CHSY3: variants seen among roughly 807,000 people sequenced by gnomAD.
CHSY3 encodes N-acetylgalactosaminyl-proteoglycan 3-beta-glucuronosyltransferase 3.
CHSY3 carries 35 observed loss-of-function variants against 67.2 expected under a neutral mutation model. The observed-to-expected ratio is 0.52, with a 90% CI of 0.40 to 0.69. CHSY3 has a LOEUF of 0.69. Ranked by LOEUF, CHSY3 falls within the 30% of genes least tolerant of loss-of-function variation. The pLI, the probability that CHSY3 is intolerant of heterozygous loss-of-function variation, is 0.00. For synonymous variants in CHSY3, 474 were observed against 434.7 expected, an observed-to-expected ratio of 1.09 and a Z score of -1.12; for missense variants, 1,069 against 1,138.5, an observed-to-expected ratio of 0.94 and a Z score of 0.88.
chr5:130,014,992 G>T, intron 2 of CHSY3, among the ~76,000 whole-genome samples: 1 of 152,076 alleles, frequency 6.6e-6, no homozygotes, highest in East Asian at 1.9e-4. Context: ...AATATATAAG[G>T]AACTGATATG....
chr5:130,080,740 A>G (rs1766418749), intron 2 of CHSY3, among the ~76,000 whole-genome samples: 1 of 152,104 alleles, frequency 6.6e-6, no homozygotes, highest in Non-Finnish European at 1.5e-5. Flanking sequence ...TTACTGTGTG[A>G]TCATAGTCAA....
chr5:129,930,696 C>G (rs1309927295), intron 2 of CHSY3, among the ~76,000 whole-genome samples: 1 of 152,032 alleles, frequency 6.6e-6, no homozygotes, highest in Admixed American at 6.6e-5. Flanking sequence ...CCCTTACCCC[C>G]ATAAGGCTGA....
chr5:130,082,459 G>T (rs529716265), intron 2 of CHSY3, among the ~76,000 whole-genome samples: 4 of 152,048 alleles, frequency 2.6e-5, no homozygotes, highest in Admixed American at 6.6e-5. Flanking sequence ...TTCAAATCAT[G>T]TGTTTGATCC....
intron 2 of CHSY3, among the ~76,000 whole-genome samples, chr5:130,059,702 C>T (rs1482036207): frequency 1.3e-5 from 2 of 152,116 alleles, no homozygotes; most frequent in Non-Finnish European, 2.9e-5. Context: ...CCGACTACAA[C>T]TACCCTATAA....
intron 2 of CHSY3, among the ~76,000 whole-genome samples, chr5:130,047,249 C>T (rs1765180809): frequency 6.6e-6 from 1 of 151,964 alleles, no homozygotes; most frequent in East Asian, 1.9e-4. Flanking sequence ...TTTAACTCAG[C>T]TCACCTTTTA....
intron 1 of CHSY3, among the ~76,000 whole-genome samples, chr5:129,907,088 G>T (rs1410662751): frequency 1.3e-5 from 2 of 152,094 alleles, no homozygotes; most frequent in Non-Finnish European, 2.9e-5. Context: ...TCCTTGCCTT[G>T]GATATCTCAA....
intron 2 of CHSY3, among the ~76,000 whole-genome samples, chr5:130,179,640 CAT>C (rs1213497604): frequency 1.3e-5 from 2 of 152,038 alleles, no homozygotes; most frequent in East Asian, 3.9e-4. Context: ...GCAAATTCTT[CAT>C]ATGTTTTCAA....
In CHSY3 at chr5:129,908,307, G is replaced by A. The variant is rs759731239; in HGVS notation, c.1033G>A (p.Val345Ile). ...EMYTTHEDVE[V>I]GRCVRRFGGT... is the part of the protein sequence containing the mutation. ...GTACACGACTCATGAGGATGTGGAA[G>A]TAGGAAGATGCGTTCGCCGTTTTGG... Residue 345 changes from valine to isoleucine, a missense_variant, in exon 2 of 3, where the codon GTA becomes ATA. Physicochemically the swap from Val to Ile is conservative, Grantham distance 29. Around this residue, in one of 5 missense-constraint regions of CHSY3, gnomAD observed 216 missense variants for 311.5 expected, o/e 0.69. Coordinates refer to ENST00000305031, the MANE Select transcript of CHSY3 (RefSeq NM_175856.5). 4.3e-6 allele frequency: 7 copies of A among 1,614,128 alleles called. No individual in the cohort carries two copies. Among genetic ancestry groups the A allele is most frequent in the Non-Finnish European group, 5.9e-6 (7 of 1,179,970 alleles).
At chr5:130,112,298 A>G (rs1363551349) in intron 2 of CHSY3, among the ~76,000 whole-genome samples, 1 of 152,138 alleles carries the variant, frequency 6.6e-6, no homozygotes, top group Non-Finnish European at 1.5e-5. Context: ...CTAGAAAGTT[A>G]TTTTTGTAGT....
At chr5:130,097,086 A>G (rs1162849012) in intron 2 of CHSY3, among the ~76,000 whole-genome samples, 2 of 152,246 alleles carry the variant, frequency 1.3e-5, no homozygotes, top group Non-Finnish European at 2.9e-5. Context: ...TAATTCTATG[A>G]CAGCTATAAT....
intron 2 of CHSY3, among the ~76,000 whole-genome samples, chr5:130,064,032 A>G (rs1364729475): frequency 1.3e-5 from 2 of 152,066 alleles, no homozygotes; most frequent in East Asian, 3.9e-4. Flanking sequence ...TTTAGGAGGA[A>G]TTACTCATAT....
At chr5:130,155,094 C>T (rs1769336764) in intron 2 of CHSY3, among the ~76,000 whole-genome samples, 1 of 152,208 alleles carries the variant, frequency 6.6e-6, no homozygotes, top group South Asian at 2.1e-4. Context: ...CTGGGACATA[C>T]TGTAATCTGA....
At chr5:130,035,520 A>C (rs1252993704) in intron 2 of CHSY3, among the ~76,000 whole-genome samples, 3 of 152,166 alleles carry the variant, frequency 2.0e-5, no homozygotes, top group Admixed American at 1.3e-4. Flanking sequence ...AGCAACATGA[A>C]GCCTATAAAT....
intron 2 of CHSY3, among the ~76,000 whole-genome samples, chr5:130,147,562 T>C (rs1308239927): frequency 6.6e-6 from 1 of 152,282 alleles, no homozygotes; most frequent in South Asian, 2.1e-4. Flanking sequence ...AGGCCATTCT[T>C]ACATTGCTAT....
intron 2 of CHSY3, among the ~76,000 whole-genome samples, chr5:129,920,821 T>G (rs1466637883): frequency 6.6e-6 from 1 of 152,006 alleles, no homozygotes; most frequent in African/African-American, 2.4e-5. Flanking sequence ...AAGATTTTTT[T>G]TTTTCTTTTT....
intron 2 of CHSY3, among the ~76,000 whole-genome samples, chr5:129,939,540 T>C (rs1204076642): frequency 1.3e-5 from 2 of 152,132 alleles, no homozygotes; most frequent in African/African-American, 4.8e-5. Flanking sequence ...TATGTATAAT[T>C]TGAAAAATAA....
intron 2 of CHSY3, among the ~76,000 whole-genome samples, chr5:130,066,519 G>A (rs909275284): frequency 6.6e-6 from 1 of 152,078 alleles, no homozygotes; most frequent in African/African-American, 2.4e-5. Context: ...AAACTGGGGT[G>A]TATAGTGTAG....
intron 2 of CHSY3, among the ~76,000 whole-genome samples, chr5:129,918,090 G>A (rs962175097): frequency 6.6e-6 from 1 of 152,076 alleles, no homozygotes; most frequent in African/African-American, 2.4e-5. Flanking sequence ...CCTGTTACTC[G>A]TCTATTCCAA....
chr5:130,092,334 C>T (rs1164960045), intron 2 of CHSY3, among the ~76,000 whole-genome samples: 1 of 152,172 alleles, frequency 6.6e-6, no homozygotes, highest in Non-Finnish European at 1.5e-5. Context: ...ACACAGAAAG[C>T]ATTGGCAGGC....
Sources: allele counts gnomAD v4.1 joint callset (sites outside exome capture counted in the v4.1 genomes callset), GRCh38; gene constraint gnomAD v4.1.1; regional missense constraint gnomAD v4.1.1; transcripts MANE v1.5; gene names NCBI Gene and HGNC (gene_info 2026-07-23, HGNC 2026-07-21).